Variants in EPC2 observed in about 807,000 individuals in gnomAD.
The protein encoded by EPC2 is enhancer of polycomb 2, also known as enhancer of polycomb homolog 2.
Under a neutral mutation model 92.1 loss-of-function variants are expected in EPC2, and 14 were observed. The ratio of observed to expected loss-of-function variants is 0.15; its 90% CI spans 0.10 to 0.24. The LOEUF is 0.24. Among genes scored for constraint, EPC2 ranks in the 10% least tolerant of loss-of-function variants. EPC2 has a pLI of 1.00. For synonymous variants in EPC2, 340 were observed against 334.7 expected (o/e 1.02, Z -0.17); for missense variants, 755 against 971.5 (o/e 0.78, Z 2.96).
chr2:148,711,800 C>A (rs1387073492), intron 2 of EPC2, among the ~76,000 whole-genome samples: 1 of 152,108 alleles, frequency 6.6e-6, no homozygotes, highest in African/African-American at 2.4e-5. Context: ...ATTGTTATAT[C>A]TTCTTGGAGA....
chr2:148,675,337 A>G (rs1357502756), intron 1 of EPC2, among the ~76,000 whole-genome samples: 1 of 152,012 alleles, frequency 6.6e-6, no homozygotes, highest in Non-Finnish European at 1.5e-5. Context: ...CCTAAATGCT[A>G]CTTTTGAGTA....
At position 148,644,928 on chromosome 2, in the gene EPC2, A is replaced by C. The variant is rs1332717951; in HGVS notation, c.-90A>C. On this transcript the variant is annotated 5_prime_UTR_variant, in exon 1 of 14. Coordinates refer to ENST00000258484, the MANE Select transcript of EPC2 (RefSeq NM_015630.4). ...GCGGGCCGGCCGCGCTGCACTGAGG[A>C]AGGAGGTGGAGGAGGCGGCGGGAGT... 4.4e-6 allele frequency: 5 copies of C among 1,136,182 alleles called. No individual in the cohort carries two copies. The African/African-American group carries it at 6.2e-5, about 14-fold the overall frequency. The allele number at this position is 1,136,182 out of a possible 1,614,324, so 70.4% of individuals were successfully genotyped here.
chr2:148,698,840 T>TA (rs1558813027), intron 2 of EPC2, among the ~76,000 whole-genome samples: 9 of 150,068 alleles, frequency 6.0e-5, no homozygotes, highest in African/African-American at 2.2e-4. Flanking sequence ...TTTTTTTTTT[T>TA]TAAAAAAAAA....
At position 148,691,439 on chromosome 2, in the gene EPC2, A is replaced by G. The variant is rs1375613551; in HGVS notation, c.313+1066A>G. ...GTGAAGTCTGGTGATTTGTATTTTT[A>G]AAGAGTTCCCTGTGTGATTCTGAAA... is the stretch of plus-strand genomic sequence containing the variant. On this transcript the variant is annotated intron_variant, in intron 2 of 13. Transcript: ENST00000258484. The G allele has an allele frequency of 3.6e-6, 5 of 1,392,682 alleles. No homozygotes were observed. The African/African-American group carries it at 5.7e-5, about 16-fold the overall frequency. 86.3% of individuals were successfully genotyped at this position (1,392,682 alleles called of 1,614,324 possible).
intron 1 of EPC2, among the ~76,000 whole-genome samples, chr2:148,676,911 CAA>C (rs1236187258): frequency 6.6e-6 from 1 of 150,574 alleles, no homozygotes; most frequent in Non-Finnish European, 1.5e-5. Context: ...GTTGGTGGGT[CAA>C]AGGGATACCT....
rs552955169 is a variant in EPC2, at chr2:148,696,832, T to A, written c.313+6459T>A. Among the ~76,000 whole-genome samples the A allele has an allele frequency of 9.8e-5, 15 of 152,318 alleles. No homozygotes were observed. In the South Asian group the frequency reaches 2.9e-3, roughly 29 times the overall value. On this transcript the variant is annotated intron_variant, in intron 2 of 13. Coordinates refer to ENST00000258484, the MANE Select transcript of EPC2 (RefSeq NM_015630.4). ...TCTTGTTTCCCCTACCTTAAGAGAC[T>A]AAAGGAAATTTGCCTTCTCATCTTA...
At chr2:148,713,655 A>G (rs1261650388) in intron 2 of EPC2, among the ~76,000 whole-genome samples, 10 of 152,126 alleles carry the variant, frequency 6.6e-5, no homozygotes, top group African/African-American at 2.2e-4. Context: ...CCTATACAGT[A>G]TATACCATTT....
At chr2:148,645,284 C>G in intron 1 of EPC2, 114 bp downstream of exon 1, 1 of 961,202 alleles carries the variant, frequency 1.0e-6, no homozygotes, top group South Asian at 1.7e-5. Context: ...CGCTGCCGCT[C>G]TAACGCACGG....
intron 1 of EPC2, among the ~76,000 whole-genome samples, chr2:148,657,442 A>G (rs1475692714): frequency 6.6e-6 from 1 of 152,098 alleles, no homozygotes; most frequent in African/African-American, 2.4e-5. Context: ...CATGCTTCAG[A>G]ATCACCTAGA....
At chr2:148,747,174 C>G (rs1287311013) in intron 3 of EPC2, among the ~76,000 whole-genome samples, 1 of 151,918 alleles carries the variant, frequency 6.6e-6, no homozygotes, top group Non-Finnish European at 1.5e-5. Context: ...TCTATATACC[C>G]TATTGACCTT....
Position 148,769,156 on chromosome 2 carries a change from G to A in EPC2, c.1146G>A (p.Leu382=). The A allele has an allele frequency of 6.2e-7, 1 of 1,611,094 alleles. No individual in the cohort carries two copies. Among genetic ancestry groups the A allele is most frequent in the Non-Finnish European group, 8.5e-7 (1 of 1,178,346 alleles). Residue 382 remains leucine (L), a synonymous_variant, in exon 8 of 14, where the codon TTG becomes TTA. Transcript: ENST00000258484. ...SSDEDEFPQV[L]SPVSEPEEEN... is the part of the protein sequence containing the mutation. ...GGAATGCCTCTTTTGTCTAGGTATT[G>A]TCCCCAGTATCAGAACCGGAAGAAG...
chr2:148,683,084 T>A (rs1055793879), intron 1 of EPC2, among the ~76,000 whole-genome samples: 7 of 152,144 alleles, frequency 4.6e-5, no homozygotes, highest in Non-Finnish European at 5.9e-5. Context: ...TTAAATTTTT[T>A]TTTTTTTAAT....
At chr2:148,762,332 A>G (rs1346768142) in intron 5 of EPC2, 1 of 202,330 alleles carries the variant, frequency 4.9e-6, no homozygotes, top group African/African-American at 2.4e-5. Context: ...TGTGTGCTCT[A>G]ATATAGTATA....
intron 10 of EPC2, among the ~76,000 whole-genome samples, chr2:148,775,647 A>G: frequency 4.7e-4 from 1 of 2,130 alleles, no homozygotes; most frequent in Admixed American, 5.4e-3. Flanking sequence ...ATTAAATAAA[A>G]TCTTTAAATA....
chr2:148,714,488 A>T (rs1048168113), intron 2 of EPC2, among the ~76,000 whole-genome samples: 2 of 152,190 alleles, frequency 1.3e-5, no homozygotes, highest in South Asian at 4.1e-4. Flanking sequence ...GCATTGCCAC[A>T]CTGTCTTCCA....
At chr2:148,674,171 T>C (rs1681209691) in intron 1 of EPC2, among the ~76,000 whole-genome samples, 5 of 152,204 alleles carry the variant, frequency 3.3e-5, no homozygotes. Context: ...AGATGCATCT[T>C]TGTTGTACTT....
At chr2:148,671,816 CA>C (rs1474333590) in intron 1 of EPC2, among the ~76,000 whole-genome samples, 2 of 152,108 alleles carry the variant, frequency 1.3e-5, no homozygotes, top group African/African-American at 4.8e-5. Context: ...TTCCTCCTTG[CA>C]TTTTTAGTTG....
chr2:148,768,513 C>T (rs1020733796), intron 7 of EPC2, among the ~76,000 whole-genome samples: 1 of 152,168 alleles, frequency 6.6e-6, no homozygotes, highest in African/African-American at 2.4e-5. Flanking sequence ...TTTGCTCTAG[C>T]GTTGCGGGCT....
chr2:148,721,649 T>G (rs553944106), intron 2 of EPC2, among the ~76,000 whole-genome samples: 2 of 151,886 alleles, frequency 1.3e-5, no homozygotes, highest in Admixed American at 1.3e-4. Context: ...ACATGTTGCT[T>G]GTGTTCCTTT....
Sources: allele counts gnomAD v4.1 joint callset (sites outside exome capture counted in the v4.1 genomes callset), GRCh38; gene constraint gnomAD v4.1.1; transcripts MANE v1.5; gene names NCBI Gene and HGNC (gene_info 2026-07-23, HGNC 2026-07-21).